The following MTUS2 variants were observed in gnomAD, a reference collection of about 807,000 sequenced individuals.
MTUS2 encodes the protein microtubule associated scaffold protein 2.
Under a neutral mutation model 114.1 loss-of-function variants are expected in MTUS2, and 40 were observed. The observed-to-expected ratio is 0.35, with a 90% confidence interval of 0.27 to 0.46. The LOEUF is 0.46. Ranked by LOEUF, MTUS2 falls within the 20% of genes least tolerant of loss-of-function variation. MTUS2 has a pLI of 1.00. For missense variants in MTUS2, 1,679 were observed against 1,705.4 expected (o/e 0.98, Z 0.27); for synonymous variants, 688 against 672.0 (o/e 1.02, Z -0.37).
chr13:28,881,919 C>T (rs1007821246), intron 2 of MTUS2, among the ~76,000 whole-genome samples: 1 of 152,218 alleles, frequency 6.6e-6, no homozygotes, highest in East Asian at 1.9e-4. Context: ...TATTTATGGC[C>T]AATTGGTTTT....
At chr13:29,417,434 G>A (rs1409713230) in intron 8 of MTUS2, among the ~76,000 whole-genome samples, 1 of 152,134 alleles carries the variant, frequency 6.6e-6, no homozygotes, top group Admixed American at 6.5e-5. Flanking sequence ...GTCTAATTAT[G>A]TATTAATCCT....
intron 6 of MTUS2, among the ~76,000 whole-genome samples, chr13:29,289,987 C>T (rs1898640648): frequency 6.6e-6 from 1 of 152,150 alleles, no homozygotes; most frequent in African/African-American, 2.4e-5. Flanking sequence ...TCTTTTTCCC[C>T]TGAATTTCCC....
intron 5 of MTUS2, among the ~76,000 whole-genome samples, chr13:29,111,759 A>G (rs2138864923): frequency 6.6e-6 from 1 of 152,156 alleles, no homozygotes; most frequent in East Asian, 1.9e-4. Flanking sequence ...CAGAGCGAAG[A>G]GATTGATATA....
At chr13:29,222,297 A>G (rs564274447) in intron 5 of MTUS2, among the ~76,000 whole-genome samples, 52 of 152,134 alleles carry the variant, frequency 3.4e-4, no homozygotes, top group Non-Finnish European at 6.0e-4. Context: ...CACCATTTTA[A>G]TTTTTATAAT....
At chr13:28,904,385 A>G (rs1025908488) in intron 2 of MTUS2, among the ~76,000 whole-genome samples, 7 of 152,236 alleles carry the variant, frequency 4.6e-5, no homozygotes, top group Middle Eastern at 6.8e-3. Context: ...TTATGGTTTT[A>G]GGTCTAACAT....
chr13:29,375,618 T>A lies in MTUS2; in HGVS notation c.3117+16145T>A, dbSNP rs1593368126. ...ATATATATATATATACGTATATATATATATATATATATATATATATACACA... is the reference window on the plus strand; with the variant it reads ...ATATATATATATATACGTATATATAAATATATATATATATATATATACACA... On this transcript the variant is annotated intron_variant, in intron 8 of 15. Transcript: ENST00000612955. 4.6e-4 allele frequency among the ~76,000 whole-genome samples: 5 copies of A among 10,796 alleles called. 1 individual carries two copies. Among genetic ancestry groups the A allele is most frequent in the Admixed American group, 1.9e-3 (1 of 532 alleles). The allele number at this position is 10,796 out of a possible 152,430, so 7.1% of individuals were successfully genotyped here.
intron 5 of MTUS2, chr13:29,239,637 G>A (rs1171172123): frequency 6.6e-6 from 1 of 152,228 alleles, no homozygotes; most frequent in Non-Finnish European, 1.5e-5. Context: ...CAGATGGACA[G>A]AACTGTGATG....
At chr13:29,291,750 C>T (rs1256528760) in intron 6 of MTUS2, among the ~76,000 whole-genome samples, 1 of 152,124 alleles carries the variant, frequency 6.6e-6, no homozygotes, top group Admixed American at 6.6e-5. Context: ...TTTTGTTTCC[C>T]AGCTCAGATA....
intron 2 of MTUS2, among the ~76,000 whole-genome samples, chr13:28,974,944 G>A (rs1041504197): frequency 6.6e-6 from 1 of 152,162 alleles, no homozygotes. Flanking sequence ...CATAGCTCTT[G>A]GAAAATCATA....
chr13:29,065,579 C>T (rs1018000670), intron 4 of MTUS2, among the ~76,000 whole-genome samples: 1 of 152,098 alleles, frequency 6.6e-6, no homozygotes, highest in African/African-American at 2.4e-5. Context: ...GTAAATTTGT[C>T]TATTTACCTG....
At chr13:29,363,594 T>C (rs909440755) in intron 8 of MTUS2, among the ~76,000 whole-genome samples, 18 of 152,218 alleles carry the variant, frequency 1.2e-4, no homozygotes, top group Non-Finnish European at 2.1e-4. Context: ...AAAACCCAGA[T>C]ACCCCATAAT....
At chr13:28,914,821 C>T (rs562113161) in intron 2 of MTUS2, among the ~76,000 whole-genome samples, 1 of 151,926 alleles carries the variant, frequency 6.6e-6, no homozygotes, top group South Asian at 2.1e-4. Context: ...GAATTGAATC[C>T]TTTACCATTA....
intron 9 of MTUS2, among the ~76,000 whole-genome samples, chr13:29,470,388 G>A (rs1880194802): frequency 6.6e-6 from 1 of 152,160 alleles, no homozygotes; most frequent in Admixed American, 6.5e-5. Flanking sequence ...TCCACTGTAA[G>A]ATTACTGTCT....
intron 8 of MTUS2, among the ~76,000 whole-genome samples, chr13:29,427,015 C>G (rs577137257): frequency 1.3e-5 from 2 of 152,200 alleles, no homozygotes; most frequent in African/African-American, 4.8e-5. Flanking sequence ...GAGCTTCTTT[C>G]CCTCTGAGGT....
chr13:29,172,504 A>C (rs1893604820), intron 5 of MTUS2, among the ~76,000 whole-genome samples: 1 of 152,236 alleles, frequency 6.6e-6, no homozygotes, highest in Admixed American at 6.5e-5. Context: ...GGCAGACCTG[A>C]TATTTCATGG....
At chr13:29,003,161 T>C (rs1044943902) in intron 2 of MTUS2, among the ~76,000 whole-genome samples, 4 of 152,250 alleles carry the variant, frequency 2.6e-5, no homozygotes, top group Admixed American at 6.5e-5. Flanking sequence ...TTTAATGTTT[T>C]AATTTAAGAA....
chr13:29,296,115 C>T (rs892368376), intron 6 of MTUS2, among the ~76,000 whole-genome samples: 2 of 152,172 alleles, frequency 1.3e-5, no homozygotes, highest in Non-Finnish European at 2.9e-5. Flanking sequence ...GCAGATATCT[C>T]TTGAACATAC....
chr13:28,993,185 C>G (rs1036116164), intron 2 of MTUS2, among the ~76,000 whole-genome samples: 1 of 152,220 alleles, frequency 6.6e-6, no homozygotes, highest in East Asian at 1.9e-4. Flanking sequence ...GTGACTAATG[C>G]TGCTGTAAAC....
intron 5 of MTUS2, among the ~76,000 whole-genome samples, chr13:29,184,638 C>T (rs906250966): frequency 1.3e-5 from 2 of 152,190 alleles, no homozygotes; most frequent in African/African-American, 2.4e-5. Flanking sequence ...TTAAGGCAAT[C>T]TCTGTCCAAT....
Sources: gnomAD v4.1 joint callset for allele counts (sites outside exome capture counted in the v4.1 genomes callset) on GRCh38, gnomAD v4.1.1 for gene constraint, MANE v1.5 for transcripts, NCBI Gene and HGNC (gene_info 2026-07-23, HGNC 2026-07-21) for gene names.